ANGPT1: variants seen among roughly 807,000 people sequenced by gnomAD.
The protein encoded by ANGPT1 is angiopoietin-1.
In ANGPT1, 17 loss-of-function variants were observed where a neutral mutation model predicts 62.2. The ratio of observed to expected loss-of-function variants is 0.27; its 90% confidence interval spans 0.19 to 0.41. The LOEUF is 0.41. ANGPT1 is among the 10% of genes least tolerant of loss of function. ANGPT1 has a pLI of 1.00. For missense variants in ANGPT1, 478 were observed against 594.9 expected (o/e 0.80, Z 2.04); for synonymous variants, 199 against 198.9 (o/e 1.00, Z 0.00).
chr8:107,255,463 GAGAGCGCC>G (rs1813336752), intron 8 of ANGPT1, among the ~76,000 whole-genome samples: 1 of 152,172 alleles, frequency 6.6e-6, no homozygotes, highest in Non-Finnish European at 1.5e-5. Flanking sequence ...GGGAAGCCTG[GAGAGCGCC>G]GGAGCAGAAG....
intron 3 of ANGPT1, among the ~76,000 whole-genome samples, chr8:107,324,347 C>T (rs1343028618): frequency 6.6e-6 from 1 of 151,760 alleles, no homozygotes; most frequent in Non-Finnish European, 1.5e-5. Context: ...GCTTCTAATC[C>T]ACTATGATTG....
intron 5 of ANGPT1, among the ~76,000 whole-genome samples, chr8:107,297,752 C>CATATAT (rs34606952): frequency 1.9e-4 from 28 of 146,236 alleles, no homozygotes; most frequent in African/African-American, 6.8e-4. Context: ...ATTATGTATG[C>CATATAT]ATATATATAT....
intron 6 of ANGPT1, among the ~76,000 whole-genome samples, chr8:107,293,658 C>T (rs955690597): frequency 1.3e-5 from 2 of 152,128 alleles, no homozygotes; most frequent in Admixed American, 1.3e-4. Flanking sequence ...TGAGTTCTAG[C>T]TTCCCCCACC....
At chr8:107,292,964 C>T (rs1814314349) in intron 6 of ANGPT1, among the ~76,000 whole-genome samples, 1 of 152,050 alleles carries the variant, frequency 6.6e-6, no homozygotes, top group South Asian at 2.1e-4. Flanking sequence ...AATGAGAATC[C>T]ATAAATATAG....
At chr8:107,481,137 A>C (rs1012784752) in intron 1 of ANGPT1, among the ~76,000 whole-genome samples, 1 of 152,136 alleles carries the variant, frequency 6.6e-6, no homozygotes, top group Non-Finnish European at 1.5e-5. Flanking sequence ...TCATCTCATC[A>C]AACAAGGGCA....
In ANGPT1 at chr8:107,366,849, ACAGGTTC is replaced by A. The variant is rs1487152267; in HGVS notation, c.298-19759_298-19753del. ...CAAATATTGCATTGTAAATGGCACT[ACAGGTTC>A]TATTTGCATTCTGTCTCTCTGGCTC... On this transcript the variant is annotated intron_variant, in intron 1 of 8. Coordinates refer to ENST00000517746, the MANE Select transcript of ANGPT1 (RefSeq NM_001146.5). Among the ~76,000 whole-genome samples the A allele has an allele frequency of 3.6e-3, 554 of 152,298 alleles. 5 individuals carry two copies. Among genetic ancestry groups the A allele is most frequent in the African/African-American group, 0.013 (533 of 41,570 alleles).
At chr8:107,328,771 G>C (rs1212201739) in intron 3 of ANGPT1, among the ~76,000 whole-genome samples, 1 of 151,964 alleles carries the variant, frequency 6.6e-6, no homozygotes, top group East Asian at 1.9e-4. Flanking sequence ...AGATTAATTA[G>C]ATGGCTAGCA....
intron 1 of ANGPT1, among the ~76,000 whole-genome samples, chr8:107,487,588 A>G (rs1280479419): frequency 6.6e-6 from 1 of 152,186 alleles, no homozygotes; most frequent in Non-Finnish European, 1.5e-5. Flanking sequence ...CCAGAGAGCT[A>G]AAGAAATTGA....
intron 1 of ANGPT1, among the ~76,000 whole-genome samples, chr8:107,397,475 CTTA>C (rs1463039056): frequency 2.6e-5 from 4 of 151,526 alleles, no homozygotes; most frequent in Non-Finnish European, 5.9e-5. Flanking sequence ...AATTTCCATC[CTTA>C]TATAAGTCAC....
rs1198767661 is a variant in ANGPT1 at position 107,370,392 on chromosome 8, GA to G, written c.298-23296del. 7.3e-5 allele frequency among the ~76,000 whole-genome samples: 5 copies of G among 68,158 alleles called. 2 individuals are homozygous for G. Among genetic ancestry groups the G allele is most frequent in the Non-Finnish European group, 1.8e-4 (5 of 28,326 alleles). The allele number at this position is 68,158 out of a possible 152,430, so 44.7% of individuals were successfully genotyped here. ...AGAAAGAAAGAAAGAAAGAAAGAAA[GA>G]AAGAAAGAAAGAAAGAGTCAGGGTC... On this transcript the variant is annotated intron_variant, in intron 1 of 8. Coordinates refer to ENST00000517746, the MANE Select transcript of ANGPT1 (RefSeq NM_001146.5).
intron 1 of ANGPT1, among the ~76,000 whole-genome samples, chr8:107,427,802 T>G (rs1011459680): frequency 1.7e-5 from 2 of 118,538 alleles, no homozygotes; most frequent in African/African-American, 5.4e-5. Flanking sequence ...AATTTGATCT[T>G]CTCTCAATAG....
At chr8:107,263,075 G>T (rs1327150650) in intron 8 of ANGPT1, among the ~76,000 whole-genome samples, 3 of 151,886 alleles carry the variant, frequency 2.0e-5, no homozygotes, top group Admixed American at 1.3e-4. Context: ...ATATAGCCAG[G>T]TGCCATGGTG....
chr8:107,489,583 A>G (rs573227645), intron 1 of ANGPT1, among the ~76,000 whole-genome samples: 1 of 152,316 alleles, frequency 6.6e-6, no homozygotes, highest in East Asian at 1.9e-4. Context: ...CTAAGACCAA[A>G]TGAATCTAAA....
Position 107,284,667 on chromosome 8 carries a change from T to C in ANGPT1, c.1205+15A>G. 6.4e-7 allele frequency: 1 copy of C among 1,555,742 alleles called. No homozygotes were observed. Among genetic ancestry groups the C allele is most frequent in the Non-Finnish European group, 8.7e-7 (1 of 1,145,088 alleles). ...GGTAAAAGGTAGTCGAACACTACAC[T>C]GTAGCATGACTTACCTATAGTTTTG... On this transcript the variant is annotated intron_variant, in intron 7 of 8. Coordinates refer to ENST00000517746, the MANE Select transcript of ANGPT1 (RefSeq NM_001146.5).
At chr8:107,275,407 C>G (rs1298106779) in intron 7 of ANGPT1, among the ~76,000 whole-genome samples, 18 of 152,094 alleles carry the variant, frequency 1.2e-4, no homozygotes, top group Non-Finnish European at 2.9e-5. Context: ...CTCTTCTACC[C>G]CCATCTCTGA....
At chr8:107,324,183 G>A (rs1031650127) in intron 3 of ANGPT1, among the ~76,000 whole-genome samples, 10 of 123,816 alleles carry the variant, frequency 8.1e-5, no homozygotes, top group Middle Eastern at 3.9e-3. Flanking sequence ...ATATGTGTGT[G>A]TGTGTATATA....
At chr8:107,418,901 G>A (rs963777420) in intron 1 of ANGPT1, among the ~76,000 whole-genome samples, 1 of 152,072 alleles carries the variant, frequency 6.6e-6, no homozygotes, top group Non-Finnish European at 1.5e-5. Context: ...TCAAAATCAG[G>A]GGAAAAAATC....
chr8:107,432,980 T>C (rs1563620540), intron 1 of ANGPT1, among the ~76,000 whole-genome samples: 1 of 152,218 alleles, frequency 6.6e-6, no homozygotes, highest in Non-Finnish European at 1.5e-5. Context: ...AAGAGAGTTT[T>C]TATAAAAGCA....
chr8:107,464,677 C>G lies in ANGPT1; in HGVS notation c.297+32585G>C, dbSNP rs566911364. ...TCCTTAATTCTCAGTGCCCCAACTT[C>G]CTCTCCTTTGAAATGGGAATGATAG... On this transcript the variant is annotated intron_variant, in intron 1 of 8. Transcript: ENST00000517746. Among the ~76,000 whole-genome samples the G allele has an allele frequency of 5.3e-5, 8 of 152,208 alleles. No individual in the cohort carries two copies. In the East Asian group the frequency reaches 1.4e-3, roughly 26 times the overall value.
Sources: allele counts gnomAD v4.1 joint callset (sites outside exome capture counted in the v4.1 genomes callset), GRCh38; gene constraint gnomAD v4.1.1; transcripts MANE v1.5; gene names NCBI Gene and HGNC (gene_info 2026-07-23, HGNC 2026-07-21).